EXT1: variants seen among roughly 807,000 people sequenced by gnomAD.
EXT1 encodes exostosin-1.
EXT1 carries 20 observed loss-of-function variants against 82.5 expected under a neutral mutation model. That is an observed-to-expected ratio of 0.24 (90% CI 0.17 to 0.35). EXT1 has a LOEUF of 0.35. Ranked by LOEUF, EXT1 falls within the 10% of genes least tolerant of loss-of-function variation. The pLI is 1.00. For missense variants in EXT1, 757 were observed against 936.5 expected (o/e 0.81, Z 2.50); for synonymous variants, 348 against 350.8 (o/e 0.99, Z 0.09).
intron 1 of EXT1, among the ~76,000 whole-genome samples, chr8:117,993,411 G>T (rs1180430947): frequency 6.6e-6 from 1 of 152,180 alleles, no homozygotes; most frequent in Non-Finnish European, 1.5e-5. Context: ...TTATGTACTT[G>T]AAAAGTTAAC....
chr8:117,967,616 A>T (rs1442997101), intron 1 of EXT1, among the ~76,000 whole-genome samples: 2 of 152,232 alleles, frequency 1.3e-5, no homozygotes, highest in Non-Finnish European at 2.9e-5. Context: ...TTAATTCCAA[A>T]GGCCCAAAGT....
Position 117,924,705 on chromosome 8 carries a change from T to A in EXT1, c.963-87504A>T, listed in dbSNP as rs541235551. Among the ~76,000 whole-genome samples, 122 of 152,296 alleles carry A rather than the reference T, an allele frequency of 8.0e-4. 1 individual carries two copies. The highest frequency in any genetic ancestry group is 2.9e-3 in the African/African-American group (119 of 41,564). ...GCAGAAAAGCAAGAGGAAGGAGACA[T>A]CTGGTCCAGTATAGTTTGGAAAGGC... On this transcript the variant is annotated intron_variant, in intron 1 of 10. Transcript: ENST00000378204.
At chr8:117,967,800 T>C (rs1050603329) in intron 1 of EXT1, among the ~76,000 whole-genome samples, 1 of 152,194 alleles carries the variant, frequency 6.6e-6, no homozygotes, top group African/African-American at 2.4e-5. Context: ...AACAGAAATC[T>C]AAAGGTGGAG....
chr8:117,818,425 C>T lies in EXT1; in HGVS notation c.1632+10G>A, dbSNP rs374213490. The T allele has an allele frequency of 9.3e-6, 15 of 1,613,512 alleles. No homozygotes were observed. The highest frequency in any genetic ancestry group is 1.7e-5 in the Admixed American group (1 of 60,024). The stretch of plus-strand genomic sequence containing the variant: ...AGTGGTTCCACATATAGGTCCCCTT[C>T]GAGTCTTACCTTGCTCTCTCCTTCA... On this transcript the variant is annotated intron_variant, in intron 7 of 10. Coordinates refer to ENST00000378204, the MANE Select transcript of EXT1 (RefSeq NM_000127.3).
chr8:117,985,011 T>G (rs1815288821), intron 1 of EXT1, among the ~76,000 whole-genome samples: 1 of 151,700 alleles, frequency 6.6e-6, no homozygotes, highest in Admixed American at 6.6e-5. Context: ...GGTAAGGTCT[T>G]TCAGATGGCT....
chr8:117,843,189 T>A (rs756402566), intron 1 of EXT1, among the ~76,000 whole-genome samples: 2 of 152,238 alleles, frequency 1.3e-5, no homozygotes, highest in Non-Finnish European at 2.9e-5. Context: ...GAAATTAACA[T>A]CCTTTGAGCA....
chr8:117,820,309 T>C (rs1811901919), intron 5 of EXT1, among the ~76,000 whole-genome samples: 1 of 152,188 alleles, frequency 6.6e-6, no homozygotes, highest in South Asian at 2.1e-4. Context: ...CGGGGGACCT[T>C]GGAAAGATTA....
intron 2 of EXT1, among the ~76,000 whole-genome samples, chr8:117,836,427 T>C (rs1223007780): frequency 1.3e-5 from 2 of 152,152 alleles, no homozygotes; most frequent in Non-Finnish European, 2.9e-5. Flanking sequence ...GATTTAGGCA[T>C]GGTGCAGGGC....
At chr8:117,962,663 G>T (rs1814724238) in intron 1 of EXT1, among the ~76,000 whole-genome samples, 2 of 152,286 alleles carry the variant, frequency 1.3e-5, no homozygotes, top group South Asian at 4.1e-4. Flanking sequence ...TGAGGCAGGA[G>T]GATTGCTTGG....
intron 1 of EXT1, among the ~76,000 whole-genome samples, chr8:117,965,675 A>C (rs1272140873): frequency 6.6e-6 from 1 of 152,222 alleles, no homozygotes; most frequent in Non-Finnish European, 1.5e-5. Flanking sequence ...AAACACTAGC[A>C]CATTGTCAGC....
intron 7 of EXT1, among the ~76,000 whole-genome samples, chr8:117,813,623 T>A (rs561756473): frequency 6.6e-6 from 1 of 152,264 alleles, no homozygotes; most frequent in South Asian, 2.1e-4. Flanking sequence ...TTAGAAAAAA[T>A]ATATACACAT....
At chr8:117,883,879 G>A (rs1813103454) in intron 1 of EXT1, among the ~76,000 whole-genome samples, 1 of 152,194 alleles carries the variant, frequency 6.6e-6, no homozygotes, top group Non-Finnish European at 1.5e-5. Flanking sequence ...ATTACACAGT[G>A]TAGTTCCTCT....
chr8:117,939,928 G>C (rs1814240991), intron 1 of EXT1, among the ~76,000 whole-genome samples: 1 of 152,230 alleles, frequency 6.6e-6, no homozygotes, highest in Admixed American at 6.5e-5. Flanking sequence ...ATGAATGAGT[G>C]CTTCTATTTG....
At chr8:117,876,834 C>T (rs1812980348) in intron 1 of EXT1, among the ~76,000 whole-genome samples, 1 of 152,118 alleles carries the variant, frequency 6.6e-6, no homozygotes, top group Non-Finnish European at 1.5e-5. Context: ...CGTATTAAGT[C>T]GGAGGCCATC....
At chr8:117,836,227 T>G (rs914125128) in intron 2 of EXT1, among the ~76,000 whole-genome samples, 2 of 152,128 alleles carry the variant, frequency 1.3e-5, no homozygotes, top group Non-Finnish European at 2.9e-5. Flanking sequence ...CAGAGAACAA[T>G]TTTTCTTTAT....
chr8:118,082,931 A>C (rs1477367623), intron 1 of EXT1, among the ~76,000 whole-genome samples: 1 of 152,216 alleles, frequency 6.6e-6, no homozygotes, highest in Non-Finnish European at 1.5e-5. Flanking sequence ...CAGAAATTTC[A>C]GAACAGTAAG....
chr8:117,807,082 C>A, intron 9 of EXT1, 135 bp downstream of exon 9: 1 of 1,025,550 alleles, frequency 9.8e-7, no homozygotes, highest in Non-Finnish European at 1.5e-6. Context: ...TTTGACACAT[C>A]AGCAAAACTT....
intron 1 of EXT1, among the ~76,000 whole-genome samples, chr8:118,079,246 A>T (rs1481544661): frequency 6.6e-6 from 1 of 152,244 alleles, no homozygotes; most frequent in Non-Finnish European, 1.5e-5. Context: ...ATCTTTAAAA[A>T]TAATCAACTA....
chr8:117,917,634 C>G (rs1046078325), intron 1 of EXT1, among the ~76,000 whole-genome samples: 22 of 152,094 alleles, frequency 1.4e-4, no homozygotes, highest in African/African-American at 4.8e-4. Context: ...TCTGGCTGGA[C>G]CTAGTATGAT....
Sources: gnomAD v4.1 joint callset for allele counts (sites outside exome capture counted in the v4.1 genomes callset) on GRCh38, gnomAD v4.1.1 for gene constraint, MANE v1.5 for transcripts, NCBI Gene and HGNC (gene_info 2026-07-23, HGNC 2026-07-21) for gene names.